Variants in CEP97 observed in about 807,000 individuals in gnomAD.
CEP97 encodes centrosomal protein 97.
Under a neutral mutation model 73.1 loss-of-function variants are expected in CEP97, and 43 were observed. That is an observed-to-expected ratio of 0.59 (90% CI 0.46 to 0.76). The LOEUF is 0.76. Among genes scored for constraint, CEP97 ranks in the 30% least tolerant of loss-of-function variants. CEP97 has a pLI of 0.00. For synonymous variants in CEP97, 337 were observed against 370.0 expected (o/e 0.91, Z 1.02); for missense variants, 939 against 1,014.0 (o/e 0.93, Z 1.00).
rs796122041 is a variant in CEP97 at position 101,746,173 on chromosome 3, G to C, written c.729-9257G>C. Among the ~76,000 whole-genome samples, 12 of 152,250 alleles carry C rather than the reference G, an allele frequency of 7.9e-5. No individual in the cohort carries two copies. The East Asian group carries it at 1.2e-3, about 15-fold the overall frequency. The stretch of plus-strand genomic sequence containing the variant: ...TCTATCATTGTTGGACATTTGGGTT[G>C]GTTCCAAGTCTTTGCTATTGTGAAT... On this transcript the variant is annotated intron_variant, in intron 6 of 10. Transcript: ENST00000341893.
At chr3:101,739,506 G>T (rs905933032) in intron 6 of CEP97, among the ~76,000 whole-genome samples, 1 of 152,160 alleles carries the variant, frequency 6.6e-6, no homozygotes, top group Admixed American at 6.6e-5. Flanking sequence ...GGGATGCAAG[G>T]CTGGTTCATC....
chr3:101,766,676 G>A lies in CEP97; in HGVS notation c.*1125G>A, dbSNP rs1355598189. The A allele has an allele frequency of 5.2e-5, 8 of 152,536 alleles. No homozygotes were observed. The East Asian group carries it at 1.5e-3, about 29-fold the overall frequency. The allele number at this position is 152,536 out of a possible 1,614,324, so 9.4% of individuals were successfully genotyped here. A position where few individuals can be genotyped will look rare whatever the true frequency, so the allele number is the denominator to read the frequency against. On this transcript the variant is annotated 3_prime_UTR_variant, in exon 11 of 11. Coordinates refer to ENST00000341893, the MANE Select transcript of CEP97 (RefSeq NM_024548.4). Reference sequence around the variant, plus strand: ...ATATATATGTCTGCAACTTCAGGGAGAAATAAGATTGTGTTTGAATATTGT... The same window carrying A: ...ATATATATGTCTGCAACTTCAGGGAAAAATAAGATTGTGTTTGAATATTGT...
intron 6 of CEP97, among the ~76,000 whole-genome samples, chr3:101,745,786 G>T (rs1290973355): frequency 6.6e-6 from 1 of 150,450 alleles, no homozygotes; most frequent in Non-Finnish European, 1.5e-5. Context: ...TTAAGTTTTA[G>T]GGTACATGTG....
chr3:101,740,287 C>T (rs1455906874), intron 6 of CEP97, among the ~76,000 whole-genome samples: 1 of 152,174 alleles, frequency 6.6e-6, no homozygotes, highest in Non-Finnish European at 1.5e-5. Context: ...TCTCAGGATA[C>T]AAAATCAATG....
In CEP97 at chr3:101,765,105, T is replaced by G; in HGVS notation, c.2152T>G (p.Leu718Val). 6.2e-7 allele frequency: 1 copy of G among 1,614,206 alleles called. No homozygotes were observed. Among genetic ancestry groups the G allele is most frequent in the Non-Finnish European group, 8.5e-7 (1 of 1,180,042 alleles). Residue 718 changes from leucine to valine, a missense_variant, in exon 11 of 11, where the codon TTG becomes GTG. Leu to Val is a conservative substitution (Grantham distance 32). Transcript: ENST00000341893. ...TEQVHSLQHS[L>V]DFEKSSTEGS... is the part of the protein sequence containing the mutation. Reference sequence around the variant, plus strand: ...ACAAGTTCATTCATTGCAGCATTCTTTGGATTTTGAGAAAAGTTCCACAGA... The same window carrying G: ...ACAAGTTCATTCATTGCAGCATTCTGTGGATTTTGAGAAAAGTTCCACAGA...
intron 10 of CEP97, among the ~76,000 whole-genome samples, chr3:101,763,800 G>T (rs1389244348): frequency 6.6e-6 from 1 of 152,102 alleles, no homozygotes; most frequent in Non-Finnish European, 1.5e-5. Flanking sequence ...TCTAAAATGA[G>T]ACTTATTTTA....
At chr3:101,758,506 C>T (rs1034776747) in intron 9 of CEP97, 83 bp downstream of exon 9, 3 of 1,497,426 alleles carry the variant, frequency 2.0e-6, no homozygotes, top group Non-Finnish European at 2.7e-6. Context: ...CACTGTGCTT[C>T]TGTGATTATA....
In CEP97 at chr3:101,732,738, A is replaced by G. The variant is rs1015246446; in HGVS notation, c.728+84A>G. ...ACAGATTAATAGAGTATTTCTTAAAATGTGCATTTAGATAACAAGAGTATT... is the reference window on the plus strand; with the variant it reads ...ACAGATTAATAGAGTATTTCTTAAAGTGTGCATTTAGATAACAAGAGTATT... On this transcript the variant is annotated intron_variant, in intron 6 of 10. Transcript: ENST00000341893. The G allele has an allele frequency of 6.6e-6, 8 of 1,215,332 alleles. No homozygotes were observed. The Admixed American group carries it at 1.7e-4, about 26-fold the overall frequency. The allele number at this position is 1,215,332 out of a possible 1,614,324, so 75.3% of individuals were successfully genotyped here.
intron 6 of CEP97, among the ~76,000 whole-genome samples, chr3:101,752,181 G>C (rs947293877): frequency 2.6e-5 from 4 of 152,116 alleles, no homozygotes; most frequent in African/African-American, 9.7e-5. Flanking sequence ...TGAAATTCTG[G>C]GTTGAAATTC....
In CEP97 at chr3:101,757,983, A is replaced by G; in HGVS notation, c.1377A>G (p.Ala459=). The change falls in exon 9 of 11, where the codon GCA becomes GCG. Residue 459 remains alanine (A), a synonymous_variant. Coordinates refer to ENST00000341893, the MANE Select transcript of CEP97 (RefSeq NM_024548.4). ...DKEEEQPLWA[A]NENSVQMMRS... ...AAGAGGAACAGCCTTTATGGGCTGC[A>G]AATGAGAATTCTGTTCAAATGATGA... 6.2e-7 allele frequency: 1 copy of G among 1,614,240 alleles called. No individual in the cohort carries two copies. Among genetic ancestry groups the G allele is most frequent in the Non-Finnish European group, 8.5e-7 (1 of 1,180,042 alleles).
rs751577738 is a variant in CEP97, at chr3:101,765,076, C to T, written c.2123C>T (p.Thr708Ile). The change falls in exon 11 of 11, where the codon ACA becomes ATA. Residue 708 changes from threonine (T) to isoleucine (I), a missense_variant. By Grantham distance (89) the Thr-to-Ile change is moderately conservative. Coordinates refer to ENST00000341893, the MANE Select transcript of CEP97 (RefSeq NM_024548.4). ...FPDSGFHSSL[T>I]EQVHSLQHSL... ...GACTCTGGTTTTCATTCCTCTCTAA[C>T]AGAACAAGTTCATTCATTGCAGCAT... The T allele has an allele frequency of 1.1e-5, 18 of 1,614,024 alleles. No homozygotes were observed. Among genetic ancestry groups the T allele is most frequent in the Non-Finnish European group, 1.7e-6 (2 of 1,180,024 alleles).
intron 6 of CEP97, among the ~76,000 whole-genome samples, chr3:101,735,670 A>T (rs2449493): frequency 0.9 from 137,089 of 152,210 alleles, 61,829 homozygotes; most frequent in East Asian, 0.99. Flanking sequence ...CTGGCCCAGA[A>T]ACTACGCTTT....
chr3:101,764,516 C>T lies in CEP97; in HGVS notation c.1894-331C>T, dbSNP rs112552615. Among the ~76,000 whole-genome samples, 850 of 151,796 alleles carry T rather than the reference C, an allele frequency of 5.6e-3. 12 individuals are homozygous for T. Among genetic ancestry groups the T allele is most frequent in the Middle Eastern group, 0.024 (7 of 292 alleles). ...ATCCCAGCTACTTGGGAAGCTGAGG[C>T]AGGAGAATTGCTTGAACCTGGGAGG... On this transcript the variant is annotated intron_variant, in intron 10 of 10. Coordinates refer to ENST00000341893, the MANE Select transcript of CEP97 (RefSeq NM_024548.4).
chr3:101,744,954 C>G (rs990719132), intron 6 of CEP97, among the ~76,000 whole-genome samples: 6 of 152,184 alleles, frequency 3.9e-5, no homozygotes, highest in African/African-American at 1.4e-4. Flanking sequence ...CATCAGGTAG[C>G]TAGATCTTGA....
chr3:101,755,989 T>A (rs1938993148), intron 7 of CEP97, among the ~76,000 whole-genome samples: 1 of 152,144 alleles, frequency 6.6e-6, no homozygotes, highest in African/African-American at 2.4e-5. Flanking sequence ...TGCTTCGGCC[T>A]CCTAAAGTGC....
intron 8 of CEP97, 87 bp downstream of exon 8, chr3:101,757,283 A>T: frequency 6.8e-7 from 1 of 1,462,106 alleles, no homozygotes; most frequent in Non-Finnish European, 9.2e-7. Context: ...GCATATTTTC[A>T]TAATTTTTTG....
rs113288491 is a variant in CEP97, at chr3:101,748,797, C to T, written c.729-6633C>T. Among the ~76,000 whole-genome samples the T allele has an allele frequency of 3.4e-3, 517 of 152,158 alleles. 2 individuals are homozygous for T. The highest frequency in any genetic ancestry group is 0.011 in the African/African-American group (476 of 41,518). Reference sequence around the variant, plus strand: ...CTGGGACTACAGGTGCATGCCACCACGCCTGGCTAATTTTTTGTATTTTTA... The same window carrying T: ...CTGGGACTACAGGTGCATGCCACCATGCCTGGCTAATTTTTTGTATTTTTA... On this transcript the variant is annotated intron_variant, in intron 6 of 10. Transcript: ENST00000341893.
At chr3:101,759,063 G>GT (rs1939101428) in intron 9 of CEP97, 1 of 152,632 alleles carries the variant, frequency 6.6e-6, no homozygotes, top group South Asian at 2.1e-4. Context: ...AGAGATGAGA[G>GT]GTGCCACAGA....
chr3:101,751,800 G>C (rs539911200), intron 6 of CEP97, among the ~76,000 whole-genome samples: 3 of 152,148 alleles, frequency 2.0e-5, no homozygotes, highest in South Asian at 2.1e-4. Flanking sequence ...TTGAGCCTAT[G>C]TGTGTCTCTG....
Sources: allele counts gnomAD v4.1 joint callset (sites outside exome capture counted in the v4.1 genomes callset), GRCh38; gene constraint gnomAD v4.1.1; transcripts MANE v1.5; gene names NCBI Gene and HGNC (gene_info 2026-07-23, HGNC 2026-07-21).